Variants in RORA observed in about 807,000 individuals in gnomAD.
RORA encodes RAR related orphan receptor A.
A neutral mutation model predicts 69.5 loss-of-function variants in RORA; 7 were observed. That is an observed-to-expected ratio of 0.10 (90% confidence interval 0.06 to 0.19). RORA has a LOEUF of 0.19. Ranked by LOEUF, RORA falls within the 10% of genes least tolerant of loss-of-function variation. RORA has a pLI of 1.00. For synonymous variants in RORA, 261 were observed against 240.8 expected (o/e 1.08, Z -0.78); for missense variants, 457 against 663.0 (o/e 0.69, Z 3.41).
intron 1 of RORA, among the ~76,000 whole-genome samples, chr15:61,052,374 T>C (rs1288281206): frequency 6.6e-6 from 1 of 152,246 alleles, no homozygotes; most frequent in Non-Finnish European, 1.5e-5. Flanking sequence ...TGGGAAAGCC[T>C]CATACGTAAT....
chr15:61,032,963 G>T (rs1402305411), intron 1 of RORA, among the ~76,000 whole-genome samples: 1 of 152,190 alleles, frequency 6.6e-6, no homozygotes, highest in Non-Finnish European at 1.5e-5. Context: ...TTTGCCAGGT[G>T]CTTTAAATAC....
intron 1 of RORA, among the ~76,000 whole-genome samples, chr15:60,797,337 A>G (rs1478426272): frequency 6.6e-6 from 1 of 152,154 alleles, no homozygotes; most frequent in Non-Finnish European, 1.5e-5. Flanking sequence ...GGTGGCTGGG[A>G]GAAGGGACAG....
chr15:60,763,065 A>ATTTTTTTTTTTTTTTTTTTT lies in RORA; in HGVS notation c.167-84399_167-84380dup, dbSNP rs374433414. Among the ~76,000 whole-genome samples, 92 of 48,370 alleles carry ATTTTTTTTTTTTTTTTTTTT rather than the reference A, an allele frequency of 1.9e-3. 13 individuals are homozygous for ATTTTTTTTTTTTTTTTTTTT. The highest frequency in any genetic ancestry group is 2.8e-3 in the East Asian group (4 of 1,446). The allele number at this position is 48,370 out of a possible 152,430, so 31.7% of individuals were successfully genotyped here. On this transcript the variant is annotated intron_variant, in intron 1 of 10. Transcript: ENST00000335670. ...AAAGTACTGTTTCCAATATGCACAG[A>ATTTTTTTTTTTTTTTTTTTT]TTTTTTTTTTTTTTTTTTTTTTTTT... is the stretch of plus-strand genomic sequence containing the variant.
chr15:60,797,940 G>C (rs767081142), intron 1 of RORA, among the ~76,000 whole-genome samples: 4 of 152,144 alleles, frequency 2.6e-5, no homozygotes, highest in Non-Finnish European at 5.9e-5. Flanking sequence ...TGCACGGAAA[G>C]CTTTAAAATC....
At chr15:60,573,330 CG>C (rs1404452249) in intron 2 of RORA, among the ~76,000 whole-genome samples, 9 of 152,184 alleles carry the variant, frequency 5.9e-5, no homozygotes, top group Non-Finnish European at 1.3e-4. Flanking sequence ...AGACTCGTGG[CG>C]GATGCCTTTC....
intron 1 of RORA, among the ~76,000 whole-genome samples, chr15:60,926,677 G>C (rs905310336): frequency 6.6e-6 from 1 of 152,180 alleles, no homozygotes; most frequent in Non-Finnish European, 1.5e-5. Context: ...TCGTTTATAA[G>C]AGAAAAGCTG....
chr15:60,662,756 T>A (rs2070323204), intron 2 of RORA, among the ~76,000 whole-genome samples: 1 of 152,242 alleles, frequency 6.6e-6, no homozygotes, highest in Non-Finnish European at 1.5e-5. Context: ...TGTGTCATTT[T>A]AAATAAAAGA....
At position 61,198,677 on chromosome 15, in the gene RORA, A is replaced by C. The variant is rs535028454; in HGVS notation, c.166+30376T>G. 2.3e-4 allele frequency among the ~76,000 whole-genome samples: 31 copies of C among 136,558 alleles called. 1 individual carries two copies. In the South Asian group the frequency reaches 7.0e-3, roughly 31 times the overall value. 89.6% of individuals were successfully genotyped at this position (136,558 alleles called of 152,430 possible). ...CTTTGGCCTGCATTATATTCTCTCA[A>C]AAAAAAAAAAAAAGACAACTACTAT... On this transcript the variant is annotated intron_variant, in intron 1 of 10. Transcript: ENST00000335670.
chr15:60,514,609 A>G lies in RORA; in HGVS notation c.424+7T>C. The G allele has an allele frequency of 6.2e-7, 1 of 1,613,766 alleles. No homozygotes were observed. Among genetic ancestry groups the G allele is most frequent in the Non-Finnish European group, 8.5e-7 (1 of 1,179,756 alleles). ...GCAACTGTACAACTCAAGCTGTGAG[A>G]GCTCACCATCTCGAGACATCCCTAC... is the stretch of plus-strand genomic sequence containing the variant. On this transcript the variant is annotated splice_region_variant and intron_variant, in intron 4 of 10. Coordinates refer to ENST00000335670, the MANE Select transcript of RORA (RefSeq NM_134261.3).
chr15:60,747,822 C>A (rs541684862), intron 1 of RORA, among the ~76,000 whole-genome samples: 57 of 152,196 alleles, frequency 3.7e-4, no homozygotes, highest in African/African-American at 1.3e-3. Flanking sequence ...GTTTCTACGC[C>A]TCTATTTTAG....
chr15:60,710,648 C>G (rs2071130069), intron 1 of RORA, among the ~76,000 whole-genome samples: 1 of 152,164 alleles, frequency 6.6e-6, no homozygotes, highest in African/African-American at 2.4e-5. Context: ...GAGAAGTTGA[C>G]TATTAATGGC....
chr15:60,752,036 A>G (rs1005999866), intron 1 of RORA, among the ~76,000 whole-genome samples: 1 of 152,134 alleles, frequency 6.6e-6, no homozygotes, highest in African/African-American at 2.4e-5. Flanking sequence ...AGGGCCATCA[A>G]TAAGGAGGTG....
intron 1 of RORA, among the ~76,000 whole-genome samples, chr15:61,157,751 CTA>C (rs1193641161): frequency 6.6e-6 from 1 of 152,152 alleles, no homozygotes. Flanking sequence ...GTGACTGGCC[CTA>C]GTTTCGTGAC....
chr15:60,757,865 G>A (rs80179234), intron 1 of RORA, among the ~76,000 whole-genome samples: 4,351 of 152,094 alleles, frequency 0.029, 210 homozygotes, highest in African/African-American at 0.1. Context: ...CACTCTCACT[G>A]GGTTATCACA....
At chr15:60,978,589 A>G (rs1203160079) in intron 1 of RORA, among the ~76,000 whole-genome samples, 2 of 152,168 alleles carry the variant, frequency 1.3e-5, no homozygotes, top group South Asian at 2.1e-4. Context: ...TTAAGAAACT[A>G]TTGCCTAATC....
chr15:60,602,379 C>T (rs992887322), intron 2 of RORA, among the ~76,000 whole-genome samples: 1 of 152,072 alleles, frequency 6.6e-6, no homozygotes, highest in Non-Finnish European at 1.5e-5. Flanking sequence ...GTTATATTAT[C>T]CCAAGGTCAG....
intron 1 of RORA, among the ~76,000 whole-genome samples, chr15:61,202,532 A>C (rs2079904356): frequency 7.9e-6 from 1 of 126,312 alleles, no homozygotes; most frequent in African/African-American, 3.0e-5. Context: ...GGTCAGGGGC[A>C]CTCACCTTCA....
At chr15:61,046,393 G>T (rs1897026158) in intron 1 of RORA, among the ~76,000 whole-genome samples, 1 of 152,144 alleles carries the variant, frequency 6.6e-6, no homozygotes, top group African/African-American at 2.4e-5. Flanking sequence ...AGGAGAGGTG[G>T]TGGGGAGACA....
At chr15:61,168,032 GT>G (rs1218550465) in intron 1 of RORA, among the ~76,000 whole-genome samples, 1 of 152,032 alleles carries the variant, frequency 6.6e-6, no homozygotes, top group Non-Finnish European at 1.5e-5. Flanking sequence ...CCACCAAACA[GT>G]TGTAAAAGCC....
Sources: gnomAD v4.1 joint callset for allele counts (sites outside exome capture counted in the v4.1 genomes callset) on GRCh38, gnomAD v4.1.1 for gene constraint, MANE v1.5 for transcripts, NCBI Gene and HGNC (gene_info 2026-07-23, HGNC 2026-07-21) for gene names.